CACNA1H: variants seen among roughly 807,000 people sequenced by gnomAD.
CACNA1H encodes voltage-dependent T-type calcium channel subunit alpha-1H.
CACNA1H carries 149 observed loss-of-function variants against 192.5 expected under a neutral mutation model. That is an observed-to-expected ratio of 0.77 (90% CI 0.68 to 0.89). The LOEUF is 0.89. CACNA1H is among the 40% of genes least tolerant of loss of function. The probability of loss-of-function intolerance (pLI) is 0.00; values close to 1 mark genes in which losing one functional copy is unlikely to be tolerated. For synonymous variants in CACNA1H, 2,202 were observed against 1,475.2 expected, an observed-to-expected ratio of 1.49 and a Z score of -11.29; for missense variants, 4,257 against 3,423.5, an observed-to-expected ratio of 1.24 and a Z score of -6.08.
At chr16:1,214,875 G>A (rs1011240557) in intron 27 of CACNA1H, 97 bp from the exon 28 acceptor site, 190 of 884,258 alleles carry the variant, frequency 2.1e-4, no homozygotes, top group Admixed American at 6.1e-5. Flanking sequence ...AGCCTCCAGG[G>A]CCGGCCAGCG....
At chr16:1,219,593 C>G (rs936383685) in intron 34 of CACNA1H, among the ~76,000 whole-genome samples, 3 of 152,226 alleles carry the variant, frequency 2.0e-5, no homozygotes, top group East Asian at 1.9e-4. Flanking sequence ...CTCTTCCTGC[C>G]CTTTCCTACC....
At chr16:1,196,738 A>G (rs989962498) in intron 5 of CACNA1H, among the ~76,000 whole-genome samples, 1 of 152,082 alleles carries the variant, frequency 6.6e-6, no homozygotes, top group Non-Finnish European at 1.5e-5. Flanking sequence ...GAGGCGGAGG[A>G]AGAGCTTCCA....
Position 1,206,164 on chromosome 16 carries a change from G to T in CACNA1H, c.2664G>T (p.Leu888=). The change falls in exon 12 of 35, where the codon CTG becomes CTT. Residue 888 remains leucine, a synonymous_variant. Coordinates refer to ENST00000348261, the MANE Select transcript of CACNA1H (RefSeq NM_021098.3). ...GGLSVLRTFR[L]LRVLKLVRFL... ...TGTCTGTGCTGCGCACCTTCCGGCT[G>T]CTGCGTGTGCTGAAGCTGGTGCGCT... is the stretch of plus-strand genomic sequence containing the variant. The T allele has an allele frequency of 6.3e-7, 1 of 1,585,258 alleles. No individual in the cohort carries two copies. The highest frequency in any genetic ancestry group is 8.6e-7 in the Non-Finnish European group (1 of 1,167,430).
intron 17 of CACNA1H, 75 bp from the exon 18 acceptor site, chr16:1,209,960 C>T: frequency 8.9e-7 from 1 of 1,119,790 alleles, no homozygotes; most frequent in Non-Finnish European, 1.3e-6. Context: ...GGTGGCCGAG[C>T]TGAGCACAGA....
intron 2 of CACNA1H, among the ~76,000 whole-genome samples, chr16:1,155,741 C>T (rs184819306): frequency 3.2e-3 from 491 of 152,260 alleles, no homozygotes; most frequent in Non-Finnish European, 5.6e-3. Context: ...GTGTTCTGGG[C>T]TGGCTGTGTG....
intron 34 of CACNA1H, among the ~76,000 whole-genome samples, 167 bp downstream of exon 34, chr16:1,219,297 C>T (rs1970292320): frequency 6.6e-6 from 1 of 152,114 alleles, no homozygotes; most frequent in Non-Finnish European, 1.5e-5. Flanking sequence ...GATCTTGGAG[C>T]ATTGGGCCCA....
intron 27 of CACNA1H, among the ~76,000 whole-genome samples, chr16:1,214,334 G>A (rs962593330): frequency 1.3e-5 from 2 of 152,250 alleles, no homozygotes; most frequent in East Asian, 1.9e-4. Context: ...CCTTTTAGAA[G>A]AAGGAGGTAG....
chr16:1,210,350 A>AACCCCCCCCCCCCCCCCCC lies in CACNA1H; in HGVS notation c.3846-20_3846-19insACCCCCCCCCCCCCCCCCC. On this transcript the variant is annotated intron_variant, in intron 18 of 34. Transcript: ENST00000348261. ...TCCACGCCGCCCCGCCCCACCTCTC[A>AACCCCCCCCCCCCCCCCCC]CCCGCCCCCGCCCACCCAGGTTCCG... The AACCCCCCCCCCCCCCCCCC allele has an allele frequency of 3.2e-6, 1 of 313,946 alleles. No individual in the cohort carries two copies. The highest frequency in any genetic ancestry group is 4.6e-6 in the Non-Finnish European group (1 of 215,956). The allele number at this position is 313,946 out of a possible 1,614,324, so 19.4% of individuals were successfully genotyped here.
At chr16:1,163,015 C>T (rs867989610) in intron 2 of CACNA1H, among the ~76,000 whole-genome samples, 3 of 152,262 alleles carry the variant, frequency 2.0e-5, no homozygotes, top group Non-Finnish European at 4.4e-5. Context: ...GTGGCCGGTG[C>T]TCTGCCTGCC....
At chr16:1,206,339 C>T (rs1424565096) in intron 12 of CACNA1H, 50 bp downstream of exon 12, 21 of 1,519,846 alleles carry the variant, frequency 1.4e-5, no homozygotes, top group Non-Finnish European at 1.9e-5. Context: ...CCCAGGGCAG[C>T]TGGGAGGCAA....
chr16:1,184,768 G>A (rs1337766474), intron 2 of CACNA1H, among the ~76,000 whole-genome samples: 1 of 152,236 alleles, frequency 6.6e-6, no homozygotes, highest in Non-Finnish European at 1.5e-5. Flanking sequence ...TGGTCCAAAG[G>A]GCGCCTTCAG....
chr16:1,178,263 C>T (rs1268042789), intron 2 of CACNA1H, among the ~76,000 whole-genome samples: 2 of 146,782 alleles, frequency 1.4e-5, no homozygotes, highest in African/African-American at 2.6e-5. Flanking sequence ...CCTTGGATCC[C>T]TCCATGGTCC....
At chr16:1,173,209 T>C (rs921327527) in intron 2 of CACNA1H, among the ~76,000 whole-genome samples, 1 of 151,664 alleles carries the variant, frequency 6.6e-6, no homozygotes, top group East Asian at 1.9e-4. Context: ...AAGGGGGCAG[T>C]AGATGGGGTG....
At position 1,167,482 on chromosome 16, in the gene CACNA1H, C is replaced by G. The variant is rs1214403429; in HGVS notation, c.299+13446C>G. 6.6e-6 allele frequency among the ~76,000 whole-genome samples: 1 copy of G among 152,166 alleles called. No individual in the cohort carries two copies. Among genetic ancestry groups the G allele is most frequent in the African/African-American group, 2.4e-5 (1 of 41,432 alleles). ...AATAAAAAAAAAAATTATTAATGAG[C>G]TTGGTGCGGTTGCCATGGGAACCTG... On this transcript the variant is annotated intron_variant, in intron 2 of 34. Coordinates refer to ENST00000348261, the MANE Select transcript of CACNA1H (RefSeq NM_021098.3). This position sits in a 1 kb window ranked among gnomAD's most constrained non-coding sequence, Gnocchi z 4.2.
chr16:1,169,202 C>T (rs1964112486), intron 2 of CACNA1H, among the ~76,000 whole-genome samples: 1 of 151,906 alleles, frequency 6.6e-6, no homozygotes, highest in African/African-American at 2.4e-5. Flanking sequence ...TGCTGGGGGT[C>T]TTAGCCTGGA....
intron 6 of CACNA1H, 88 bp downstream of exon 6, chr16:1,198,862 G>C: frequency 3.8e-6 from 5 of 1,327,760 alleles, no homozygotes; most frequent in Non-Finnish European, 1.0e-6. Context: ...ACCGCCCCAC[G>C]TGGCTCTGCC....
chr16:1,218,735 T>A (rs1337393552), intron 33 of CACNA1H, 84 bp downstream of exon 33: 4 of 1,310,452 alleles, frequency 3.1e-6, no homozygotes, highest in Non-Finnish European at 4.2e-6. Flanking sequence ...GAGGATGGGG[T>A]CAGGCCAGAG....
intron 6 of CACNA1H, 136 bp downstream of exon 6, chr16:1,198,910 T>TA: frequency 1.3e-6 from 1 of 785,776 alleles, no homozygotes; most frequent in Non-Finnish European, 2.0e-6. Context: ...GCTGTCCCCG[T>TA]CATGGCTCCG....
chr16:1,215,356 C>G lies in CACNA1H; in HGVS notation c.5154C>G (p.Arg1718=). The change falls in exon 29 of 35, where the codon CGC becomes CGG. Residue 1718 remains arginine (R), a synonymous_variant. Transcript: ENST00000348261. ...PINPTIIRIM[R]VLRIARVLKL... ...ACCCCACCATCATCCGCATCATGCG[C>G]GTGCTTCGCATTGCCCGTGGTAGGT... 6.3e-7 allele frequency: 1 copy of G among 1,589,380 alleles called. No homozygotes were observed. The highest frequency in any genetic ancestry group is 8.6e-7 in the Non-Finnish European group (1 of 1,165,796).
Sources: gnomAD v4.1 joint callset for allele counts (sites outside exome capture counted in the v4.1 genomes callset) on GRCh38, gnomAD v4.1.1 for gene constraint, Gnocchi (gnomAD v3.1) non-coding constraint, MANE v1.5 for transcripts, NCBI Gene and HGNC (gene_info 2026-07-23, HGNC 2026-07-21) for gene names.